The following PCDH9 variants were observed in gnomAD, a reference collection of about 807,000 sequenced individuals.
PCDH9 encodes the protein protocadherin-9.
PCDH9 carries 24 observed loss-of-function variants against 70.6 expected under a neutral mutation model. The ratio of observed to expected loss-of-function variants is 0.34; its 90% CI spans 0.25 to 0.48. The LOEUF (loss-of-function observed/expected upper bound fraction) is 0.48, where lower values mean the gene tolerates loss of function less well. PCDH9 is among the 20% of genes least tolerant of loss of function. The probability of loss-of-function intolerance (pLI) is 0.99; values close to 1 mark genes in which losing one functional copy is unlikely to be tolerated. For missense variants in PCDH9, 1,281 were observed against 1,503.6 expected (o/e 0.85, Z 2.45); for synonymous variants, 562 against 558.5 (o/e 1.01, Z -0.09).
rs5804309 is a variant in PCDH9 at position 67,071,888 on chromosome 13, C to CAAAAAAAAA, written c.3036+153508_3036+153516dup. Among the ~76,000 whole-genome samples, 11 of 86,652 alleles carry CAAAAAAAAA rather than the reference C, an allele frequency of 1.3e-4. 1 individual carries two copies. The highest frequency in any genetic ancestry group is 3.6e-4 in the African/African-American group (8 of 22,442). 56.8% of individuals were successfully genotyped at this position (86,652 alleles called of 152,430 possible). A position where few individuals can be genotyped will look rare whatever the true frequency, so the allele number is the denominator to read the frequency against. On this transcript the variant is annotated intron_variant, in intron 2 of 4. Transcript: ENST00000377865. ...TGGGCAACAGAGGGAGACTTTGTCTCAAAAAAAAAAAAAAAAAAAAGAGAG... is the reference window on the plus strand; with the variant it reads ...TGGGCAACAGAGGGAGACTTTGTCTCAAAAAAAAAAAAAAAAAAAAAAAAAAAAAGAGAG...
At chr13:66,610,059 G>A (rs1034960658) in intron 4 of PCDH9, among the ~76,000 whole-genome samples, 1 of 149,456 alleles carries the variant, frequency 6.7e-6, no homozygotes, top group Non-Finnish European at 1.5e-5. Flanking sequence ...CCGGGTTCAC[G>A]CCATTCTCCT....
At chr13:66,792,144 A>AT (rs2080173559) in intron 3 of PCDH9, among the ~76,000 whole-genome samples, 1 of 152,282 alleles carries the variant, frequency 6.6e-6, no homozygotes, top group Non-Finnish European at 1.5e-5. Context: ...AAATGAAAAC[A>AT]TTTTTCTTGT....
At chr13:66,348,335 T>A (rs913302073) in intron 4 of PCDH9, among the ~76,000 whole-genome samples, 43 of 152,122 alleles carry the variant, frequency 2.8e-4, no homozygotes, top group Middle Eastern at 3.2e-3. Context: ...CATAGAAATG[T>A]TCAATAACTG....
intron 3 of PCDH9, among the ~76,000 whole-genome samples, chr13:66,665,880 G>A (rs944978409): frequency 2.6e-5 from 4 of 151,552 alleles, no homozygotes; most frequent in African/African-American, 9.7e-5. Flanking sequence ...CTCCACTAAG[G>A]GTAAGTAACG....
chr13:66,669,057 A>G (rs189266533), intron 3 of PCDH9, among the ~76,000 whole-genome samples: 55 of 152,236 alleles, frequency 3.6e-4, no homozygotes, highest in African/African-American at 1.2e-3. Flanking sequence ...ACCTCATTGA[A>G]TCTATTTTAA....
chr13:66,928,570 T>C (rs1018998371), intron 2 of PCDH9, among the ~76,000 whole-genome samples: 5 of 152,012 alleles, frequency 3.3e-5, no homozygotes, highest in Non-Finnish European at 5.9e-5. Flanking sequence ...GATGGGCCCA[T>C]TGGGAGGTGA....
At chr13:66,597,030 G>GA (rs995850822) in intron 4 of PCDH9, among the ~76,000 whole-genome samples, 3 of 151,332 alleles carry the variant, frequency 2.0e-5, no homozygotes, top group Non-Finnish European at 4.4e-5. Context: ...ATCATTTTCT[G>GA]AAAAAAATCA....
chr13:67,177,620 G>T (rs1443614575), intron 2 of PCDH9, among the ~76,000 whole-genome samples: 1 of 151,836 alleles, frequency 6.6e-6, no homozygotes, highest in Non-Finnish European at 1.5e-5. Flanking sequence ...TGTGCATAAT[G>T]CTTGAATATT....
intron 3 of PCDH9, among the ~76,000 whole-genome samples, chr13:66,650,694 T>A (rs2077838533): frequency 6.6e-6 from 1 of 151,974 alleles, no homozygotes; most frequent in Non-Finnish European, 1.5e-5. Context: ...GCCTAATAGA[T>A]ATTATATAAT....
intron 4 of PCDH9, among the ~76,000 whole-genome samples, chr13:66,588,905 T>C (rs1233716318): frequency 2.1e-5 from 3 of 144,886 alleles, no homozygotes; most frequent in Non-Finnish European, 4.4e-5. Flanking sequence ...AAAAATTTCA[T>C]TTTTTTACAA....
intron 2 of PCDH9, among the ~76,000 whole-genome samples, chr13:67,051,059 T>C (rs2085312064): frequency 6.6e-6 from 1 of 152,186 alleles, no homozygotes; most frequent in Non-Finnish European, 1.5e-5. Context: ...TGGCCACAAA[T>C]GATGACGCAG....
At chr13:67,109,850 A>G (rs1198498115) in intron 2 of PCDH9, among the ~76,000 whole-genome samples, 1 of 152,174 alleles carries the variant, frequency 6.6e-6, no homozygotes, top group African/African-American at 2.4e-5. Flanking sequence ...TTATGAGATG[A>G]AAAATCACAA....
At chr13:66,533,143 G>A (rs75467122) in intron 4 of PCDH9, among the ~76,000 whole-genome samples, 19,065 of 152,078 alleles carry the variant, frequency 0.13, 1,429 homozygotes, top group Middle Eastern at 0.24. Flanking sequence ...GCACAAAACT[G>A]GGGCTTCACT....
intron 2 of PCDH9, among the ~76,000 whole-genome samples, chr13:67,186,079 T>C (rs1594628813): frequency 1.3e-5 from 2 of 152,228 alleles, no homozygotes; most frequent in Admixed American, 1.3e-4. Flanking sequence ...AAGTGAAAAC[T>C]TGTTCTGGTG....
chr13:66,793,155 C>T (rs1051056794), intron 3 of PCDH9, among the ~76,000 whole-genome samples: 2 of 151,696 alleles, frequency 1.3e-5, no homozygotes, highest in African/African-American at 2.4e-5. Context: ...ATAATGCATT[C>T]TCATATGATG....
At chr13:67,044,497 A>T (rs2085185247) in intron 2 of PCDH9, among the ~76,000 whole-genome samples, 1 of 152,180 alleles carries the variant, frequency 6.6e-6, no homozygotes. Context: ...GTATGCACAC[A>T]CACGTACAAA....
At chr13:66,607,589 A>G (rs893098649) in intron 4 of PCDH9, among the ~76,000 whole-genome samples, 1 of 152,066 alleles carries the variant, frequency 6.6e-6, no homozygotes, top group Non-Finnish European at 1.5e-5. Context: ...TAGTTATGTT[A>G]CATAAATATA....
chr13:66,562,601 T>C (rs2076590496), intron 4 of PCDH9, among the ~76,000 whole-genome samples: 1 of 152,108 alleles, frequency 6.6e-6, no homozygotes, highest in Admixed American at 6.5e-5. Flanking sequence ...GTGGGACATA[T>C]TCACTAACAC....
intron 3 of PCDH9, among the ~76,000 whole-genome samples, chr13:66,689,030 T>G (rs1221947857): frequency 1.3e-5 from 2 of 152,104 alleles, no homozygotes; most frequent in African/African-American, 4.8e-5. Flanking sequence ...AATACACAGG[T>G]GTTATCAAGC....
Sources: gnomAD v4.1 joint callset for allele counts (sites outside exome capture counted in the v4.1 genomes callset) on GRCh38, gnomAD v4.1.1 for gene constraint, MANE v1.5 for transcripts, NCBI Gene and HGNC (gene_info 2026-07-23, HGNC 2026-07-21) for gene names.